The following CA2 variants were observed in gnomAD, a reference collection of about 807,000 sequenced individuals.
CA2 encodes the protein carbonic anhydrase 2, also known as carbonate dehydratase II.
A neutral mutation model predicts 27.8 loss-of-function variants in CA2; 23 were observed. The ratio of observed to expected loss-of-function variants is 0.83; its 90% CI spans 0.59 to 1.17. The LOEUF (loss-of-function observed/expected upper bound fraction) is 1.17. CA2 is among the 50% of genes most tolerant of loss of function. The pLI, the probability that CA2 is intolerant of heterozygous loss-of-function variation, is 0.00. For synonymous variants in CA2, 99 were observed against 114.9 expected (o/e 0.86, Z 0.88); for missense variants, 300 against 314.7 (o/e 0.95, Z 0.35).
chr8:85,478,017 G>T (rs1339614005), intron 6 of CA2, among the ~76,000 whole-genome samples: 1 of 152,360 alleles, frequency 6.6e-6, no homozygotes, highest in South Asian at 2.1e-4. Flanking sequence ...TATGTGAGTA[G>T]TGGTAGTGTG....
At chr8:85,464,172 G>C (rs142405644) in intron 1 of CA2, 57 bp downstream of exon 1, 44,230 of 1,477,466 alleles carry the variant, frequency 0.03, 881 homozygotes, top group South Asian at 0.061. Context: ...CCCGATCCCC[G>C]ATCCCCGAGC....
intron 2 of CA2, among the ~76,000 whole-genome samples, chr8:85,468,055 T>A (rs182335205): frequency 6.6e-6 from 1 of 152,318 alleles, no homozygotes; most frequent in Admixed American, 6.5e-5. Flanking sequence ...ATAGAAATAG[T>A]AGACCCTGAC....
intron 2 of CA2, among the ~76,000 whole-genome samples, chr8:85,467,121 G>A (rs1252602095): frequency 6.6e-6 from 1 of 152,104 alleles, no homozygotes; most frequent in African/African-American, 2.4e-5. Context: ...CTTTTTTGGA[G>A]CACTGAAGAA....
intron 6 of CA2, 78 bp downstream of exon 6, chr8:85,477,353 G>C (rs1276974326): frequency 1.3e-6 from 2 of 1,524,298 alleles, no homozygotes; most frequent in Admixed American, 3.3e-5. Flanking sequence ...CAGAGTGAGA[G>C]AGAACTGAGA....
At chr8:85,465,146 C>T (rs1235263083) in intron 1 of CA2, 126 bp from the exon 2 acceptor site, 8 of 709,928 alleles carry the variant, frequency 1.1e-5, no homozygotes. Context: ...CAAAATTTAG[C>T]CCATTGTTAA....
At chr8:85,473,037 T>TA (rs1325325910) in intron 2 of CA2, among the ~76,000 whole-genome samples, 93 of 127,386 alleles carry the variant, frequency 7.3e-4, no homozygotes, top group Middle Eastern at 3.9e-3. Flanking sequence ...AATAAATAAA[T>TA]AATAAAAAAA....
At chr8:85,474,057 GT>G in intron 3 of CA2, 2 of 604,738 alleles carry the variant, frequency 3.3e-6, no homozygotes, top group Non-Finnish European at 2.9e-6. Flanking sequence ...GGAGGATCCT[GT>G]TTTAACAGAA....
At chr8:85,470,494 G>T (rs540564758) in intron 2 of CA2, among the ~76,000 whole-genome samples, 7 of 151,874 alleles carry the variant, frequency 4.6e-5, no homozygotes, top group Non-Finnish European at 2.9e-5. Context: ...CATTCATTAC[G>T]GTCTTTAGTC....
At chr8:85,476,492 C>CAT (rs1811801014) in intron 5 of CA2, among the ~76,000 whole-genome samples, 1 of 152,208 alleles carries the variant, frequency 6.6e-6, no homozygotes, top group African/African-American at 2.4e-5. Flanking sequence ...GCTTGAGCCC[C>CAT]TTGAATTCAT....
intron 5 of CA2, among the ~76,000 whole-genome samples, chr8:85,476,447 A>G (rs1308615245): frequency 6.6e-6 from 1 of 152,184 alleles, no homozygotes; most frequent in Admixed American, 6.5e-5. Context: ...CTTCACATTG[A>G]AGCAGCATCT....
chr8:85,477,052 C>A, intron 5 of CA2, 68 bp from the exon 6 acceptor site: 1 of 1,518,734 alleles, frequency 6.6e-7, no homozygotes. Context: ...TTTGTGTCTG[C>A]TGCTCTCCTA....
intron 6 of CA2, among the ~76,000 whole-genome samples, chr8:85,479,110 TG>T (rs200945186): frequency 1.4e-3 from 210 of 152,012 alleles, no homozygotes; most frequent in African/African-American, 4.7e-3. Context: ...TGAGGAAGTA[TG>T]GGGGGGCGTG....
chr8:85,471,489 C>T (rs1811712309), intron 2 of CA2, among the ~76,000 whole-genome samples: 1 of 151,832 alleles, frequency 6.6e-6, no homozygotes, highest in South Asian at 2.1e-4. Context: ...TAAGATGAAA[C>T]TTTAAGATTT....
At chr8:85,478,664 T>C (rs1811842231) in intron 6 of CA2, among the ~76,000 whole-genome samples, 1 of 152,180 alleles carries the variant, frequency 6.6e-6, no homozygotes, top group Admixed American at 6.5e-5. Flanking sequence ...AAGTTGAAAG[T>C]GGTATTAAAC....
At chr8:85,473,315 G>A (rs183195405) in intron 2 of CA2, 1 of 427,092 alleles carries the variant, frequency 2.3e-6, no homozygotes, top group East Asian at 7.0e-5. Flanking sequence ...CTTCCTAAAT[G>A]TTTCACAGAT....
chr8:85,478,201 G>C (rs1347775888), intron 6 of CA2, among the ~76,000 whole-genome samples: 1 of 152,170 alleles, frequency 6.6e-6, no homozygotes, highest in Non-Finnish European at 1.5e-5. Flanking sequence ...ATCAGGCCTG[G>C]GAGCAAGGAT....
intron 2 of CA2, among the ~76,000 whole-genome samples, chr8:85,470,044 A>T (rs893156148): frequency 1.3e-5 from 2 of 152,208 alleles, no homozygotes; most frequent in African/African-American, 4.8e-5. Context: ...AACCTTAAAT[A>T]TCTAGAAAAT....
chr8:85,475,669 G>C, intron 4 of CA2, 129 bp from the exon 5 acceptor site: 1 of 779,404 alleles, frequency 1.3e-6, no homozygotes, highest in Non-Finnish European at 2.3e-6. Context: ...TACTGATGGG[G>C]GTCATGTATG....
At position 85,464,128 on chromosome 8, in the gene CA2, G is replaced by T. The variant is rs1811578140; in HGVS notation, c.34+13G>T. The stretch of plus-strand genomic sequence containing the variant: ...GGCAAACACAACGGTGAGTGCCGGC[G>T]ACGGCCAGCGCGGGGGCGCCCCGAT... On this transcript the variant is annotated intron_variant, in intron 1 of 6. Transcript: ENST00000285379. The T allele has an allele frequency of 6.5e-7, 1 of 1,536,972 alleles. No individual in the cohort carries two copies. The highest frequency in any genetic ancestry group is 8.7e-7 in the Non-Finnish European group (1 of 1,143,450).
Sources: gnomAD v4.1 joint callset for allele counts (sites outside exome capture counted in the v4.1 genomes callset) on GRCh38, gnomAD v4.1.1 for gene constraint, MANE v1.5 for transcripts, NCBI Gene and HGNC (gene_info 2026-07-23, HGNC 2026-07-21) for gene names.